Variants in LMO3 observed in about 807,000 individuals in gnomAD.
LMO3 encodes LIM domain only protein 3.
In LMO3, 2 loss-of-function variants were observed where a neutral mutation model predicts 15.8. The observed-to-expected ratio is 0.13, with a 90% CI of 0.05 to 0.40. The LOEUF is 0.40. Among genes scored for constraint, LMO3 ranks in the 10% least tolerant of loss-of-function variants. LMO3 has a pLI of 0.99. For synonymous variants in LMO3, 62 were observed against 63.8 expected (o/e 0.97, Z 0.13); for missense variants, 86 against 182.2 (o/e 0.47, Z 3.04).
intron 2 of LMO3, among the ~76,000 whole-genome samples, chr12:16,580,694 A>G (rs1343151556): frequency 6.6e-6 from 1 of 152,240 alleles, no homozygotes; most frequent in East Asian, 1.9e-4. Flanking sequence ...ATGTGCATAA[A>G]TACAGGTAGA....
chr12:16,551,273 C>T lies in LMO3; in HGVS notation c.387G>A (p.Thr129=), dbSNP rs543260958. 3.7e-6 allele frequency: 6 copies of T among 1,613,050 alleles called. No individual in the cohort carries two copies. The highest frequency in any genetic ancestry group is 1.7e-4 in the Middle Eastern group (1 of 6,060). The change falls in exon 4 of 4, where the codon ACG becomes ACA. Residue 129 remains threonine (T), a synonymous_variant. Transcript: ENST00000537304. ...CTTTCATTAAACCTTCCTCGTAGTC[C>T]GTCTGGCAAAGGATCATGTTATTCT... The part of the protein sequence containing the change: ...FLKNNMILCQ[T]DYEEGLMKEG...
chr12:16,604,947 G>T lies in LMO3; in HGVS notation c.-9+1119C>A. On this transcript the variant is annotated intron_variant, in intron 1 of 3. Transcript: ENST00000537304. The surrounding 1 kb of genome is among the most constrained non-coding windows in gnomAD (Gnocchi z 5.3). ...CTTCGCATTGAGCACCAAACCCAAA[G>T]GTAGAAGTAGAAGGGGGTCTCCTTG... 1 of 1,598,348 alleles carries T rather than the reference G, an allele frequency of 6.3e-7. No individual in the cohort carries two copies.
At position 16,584,135 on chromosome 12, in the gene LMO3, G is replaced by A. The variant is rs1418392062; in HGVS notation, c.206+16520C>T. 6.6e-6 allele frequency among the ~76,000 whole-genome samples: 1 copy of A among 152,124 alleles called. No individual in the cohort carries two copies. Among genetic ancestry groups the A allele is most frequent in the African/African-American group, 2.4e-5 (1 of 41,434 alleles). On this transcript the variant is annotated intron_variant, in intron 2 of 3. Coordinates refer to ENST00000537304, the MANE Select transcript of LMO3 (RefSeq NM_018640.5). The surrounding 1 kb of genome is among the most constrained non-coding windows in gnomAD (Gnocchi z 5.2). ...GCCTTTTAGAATCCCTAGAATTGTG[G>A]TAAGAGGGAAATGACAGCAGTGAGT...
rs1943905289 is a variant in LMO3, at chr12:16,603,874, T to C, written c.-9+2192A>G. Among the ~76,000 whole-genome samples, 1 of 152,190 alleles carries C rather than the reference T, an allele frequency of 6.6e-6. No individual in the cohort carries two copies. The highest frequency in any genetic ancestry group is 1.5e-5 in the Non-Finnish European group (1 of 68,042). On this transcript the variant is annotated intron_variant, in intron 1 of 3. Coordinates refer to ENST00000537304, the MANE Select transcript of LMO3 (RefSeq NM_018640.5). The surrounding 1 kb of genome is among the most constrained non-coding windows in gnomAD (Gnocchi z 4.9). ...ATAATAATGAAAGATTTGCAGCACT[T>C]AGACACAGTCTTACATTTTTGGACT...
chr12:16,552,207 A>G (rs1942013532), intron 3 of LMO3, among the ~76,000 whole-genome samples: 1 of 152,064 alleles, frequency 6.6e-6, no homozygotes, highest in Admixed American at 6.6e-5. Flanking sequence ...ACATTTAACA[A>G]TAAAGTAACT....
chr12:16,585,099 G>T lies in LMO3; in HGVS notation c.206+15556C>A, dbSNP rs949023140. 1.3e-5 allele frequency among the ~76,000 whole-genome samples: 2 copies of T among 152,100 alleles called. No homozygotes were observed. The highest frequency in any genetic ancestry group is 2.9e-5 in the Non-Finnish European group (2 of 68,028). On this transcript the variant is annotated intron_variant, in intron 2 of 3. Coordinates refer to ENST00000537304, the MANE Select transcript of LMO3 (RefSeq NM_018640.5). The surrounding 1 kb of genome is among the most constrained non-coding windows in gnomAD (Gnocchi z 4.7). ...AATCAGCAACATTAGGCCCACATTC[G>T]TACAGTGTGCTGGAATTAAGTCATG... is the stretch of plus-strand genomic sequence containing the variant.
At chr12:16,572,614 C>T (rs1240508377) in intron 2 of LMO3, among the ~76,000 whole-genome samples, 4 of 148,716 alleles carry the variant, frequency 2.7e-5, no homozygotes, top group African/African-American at 9.8e-5. Flanking sequence ...GTAATATCCA[C>T]GTATATCCAA....
In LMO3 at chr12:16,589,249, A is replaced by T. The variant is rs537138260; in HGVS notation, c.206+11406T>A. Among the ~76,000 whole-genome samples the T allele has an allele frequency of 6.6e-6, 1 of 152,264 alleles. No individual in the cohort carries two copies. Among genetic ancestry groups the T allele is most frequent in the East Asian group, 1.9e-4 (1 of 5,164 alleles). On this transcript the variant is annotated intron_variant, in intron 2 of 3. Transcript: ENST00000537304. The surrounding 1 kb of genome is among the most constrained non-coding windows in gnomAD (Gnocchi z 4.2). The stretch of plus-strand genomic sequence containing the variant: ...GATTATAACAACAGTAGATGAATGC[A>T]TCCTAATAGGAATACATAAGTTATC...
chr12:16,551,438 A>G, intron 3 of LMO3, 111 bp from the exon 4 acceptor site: 1 of 673,018 alleles, frequency 1.5e-6, no homozygotes, highest in South Asian at 1.7e-5. Context: ...CCTGAATCTG[A>G]AAACCTGGCT....
At chr12:16,568,616 T>C (rs951847747) in intron 2 of LMO3, among the ~76,000 whole-genome samples, 1 of 152,248 alleles carries the variant, frequency 6.6e-6, no homozygotes, top group African/African-American at 2.4e-5. Flanking sequence ...ATTTCATGAA[T>C]AATTTTTGAA....
intron 3 of LMO3, among the ~76,000 whole-genome samples, chr12:16,553,692 C>A (rs557534540): frequency 1.3e-5 from 2 of 151,970 alleles, no homozygotes; most frequent in Non-Finnish European, 2.9e-5. Context: ...GACTGGTATG[C>A]AATTAAGGTT....
rs1941977741 is a variant in LMO3 at position 16,551,198 on chromosome 12, T to C, written c.*24A>G. On this transcript the variant is annotated 3_prime_UTR_variant, in exon 4 of 4. Coordinates refer to ENST00000537304, the MANE Select transcript of LMO3 (RefSeq NM_018640.5). ...GATAAAAGAATGTAGTGCTTTGTATTCTTAATGGGGTGATGTTGATAGATC... is the reference window on the plus strand; with the variant it reads ...GATAAAAGAATGTAGTGCTTTGTATCCTTAATGGGGTGATGTTGATAGATC... 7.2e-7 allele frequency: 1 copy of C among 1,397,308 alleles called. No individual in the cohort carries two copies. Among genetic ancestry groups the C allele is most frequent in the African/African-American group, 1.4e-5 (1 of 70,534 alleles). 86.6% of individuals were successfully genotyped at this position (1,397,308 alleles called of 1,614,324 possible).
chr12:16,550,638 A>G lies in LMO3; in HGVS notation c.*584T>C, dbSNP rs921992925. Reference sequence around the variant, plus strand: ...TGATAGACTCTAACTCATAGCGGCAATAAGTAGTGGATGTCACTAAAATGC... The same window carrying G: ...TGATAGACTCTAACTCATAGCGGCAGTAAGTAGTGGATGTCACTAAAATGC... On this transcript the variant is annotated 3_prime_UTR_variant, in exon 4 of 4. Coordinates refer to ENST00000537304, the MANE Select transcript of LMO3 (RefSeq NM_018640.5). 3 of 152,498 alleles carry G rather than the reference A, an allele frequency of 2.0e-5. No individual in the cohort carries two copies. The highest frequency in any genetic ancestry group is 4.8e-5 in the African/African-American group (2 of 41,570). 9.4% of individuals were successfully genotyped at this position (152,498 alleles called of 1,614,324 possible).
intron 2 of LMO3, among the ~76,000 whole-genome samples, chr12:16,578,052 G>A (rs1351132334): frequency 6.6e-6 from 1 of 152,080 alleles, no homozygotes. Flanking sequence ...TCCTCAGTAG[G>A]CAACAACTTT....
rs1244063376 is a variant in LMO3, at chr12:16,600,866, T to C, written c.-6A>G. ...TCTGGCTGGACTGAGAGCATTTGTA[T>C]ACCTAAAGGAAGACAAAAGCAAAAA... is the stretch of plus-strand genomic sequence containing the variant. On this transcript the variant is annotated splice_region_variant and 5_prime_UTR_variant, in exon 2 of 4. Transcript: ENST00000537304. The C allele has an allele frequency of 7.4e-6, 12 of 1,613,388 alleles. No individual in the cohort carries two copies. Among genetic ancestry groups the C allele is most frequent in the Non-Finnish European group, 8.5e-6 (10 of 1,179,582 alleles).
intron 2 of LMO3, among the ~76,000 whole-genome samples, chr12:16,594,656 T>C (rs934209299): frequency 2.3e-4 from 35 of 151,756 alleles, no homozygotes; most frequent in African/African-American, 8.4e-4. Context: ...CACAGTGTAA[T>C]GAAGGGAAAT....
At chr12:16,581,404 T>C (rs1329773161) in intron 2 of LMO3, among the ~76,000 whole-genome samples, 2 of 152,176 alleles carry the variant, frequency 1.3e-5, no homozygotes, top group Non-Finnish European at 2.9e-5. Flanking sequence ...CTAGAGGAGA[T>C]TACATCTGTA....
chr12:16,575,186 C>T (rs1942955200), intron 2 of LMO3, among the ~76,000 whole-genome samples: 2 of 152,152 alleles, frequency 1.3e-5, no homozygotes, highest in South Asian at 4.1e-4. Context: ...GCTCCCTATT[C>T]TCTTTTGCAG....
At chr12:16,551,392 AT>A in intron 3 of LMO3, 65 bp from the exon 4 acceptor site, 2 of 990,728 alleles carry the variant, frequency 2.0e-6, no homozygotes, top group Non-Finnish European at 1.6e-6. Flanking sequence ...AAATTTGAAG[AT>A]TTATTTTCCT....
Sources: allele counts gnomAD v4.1 joint callset (sites outside exome capture counted in the v4.1 genomes callset), GRCh38; gene constraint gnomAD v4.1.1; non-coding constraint Gnocchi (gnomAD v3.1); transcripts MANE v1.5; gene names NCBI Gene and HGNC (gene_info 2026-07-23, HGNC 2026-07-21).